CCDC57: variants seen among roughly 807,000 people sequenced by gnomAD.
CCDC57 encodes coiled-coil domain containing 57, also known as coiled-coil domain-containing protein 57.
In CCDC57, 118 loss-of-function variants were observed where a neutral mutation model predicts 118.9. The observed-to-expected ratio is 0.99, with a 90% confidence interval of 0.86 to 1.16. The LOEUF (loss-of-function observed/expected upper bound fraction) is 1.16. Ranked by LOEUF, CCDC57 falls within the 50% of genes most tolerant of loss-of-function variation. The pLI is 0.00. For synonymous variants in CCDC57, 527 were observed against 532.9 expected (o/e 0.99, Z 0.15); for missense variants, 1,300 against 1,320.7 (o/e 0.98, Z 0.24).
At chr17:82,121,472 G>A (rs187093377) in intron 19 of CCDC57, among the ~76,000 whole-genome samples, 1 of 152,350 alleles carries the variant, frequency 6.6e-6, no homozygotes, top group African/African-American at 2.4e-5. Context: ...TCATAGGGAG[G>A]CAACATGACC....
At chr17:82,102,720 C>T (rs2034537494) in intron 19 of CCDC57, among the ~76,000 whole-genome samples, 1 of 151,980 alleles carries the variant, frequency 6.6e-6, no homozygotes, top group South Asian at 2.1e-4. Flanking sequence ...GCCGTCTCTA[C>T]TAAAAATACA....
At chr17:82,148,040 G>A (rs2041079491) in intron 16 of CCDC57, among the ~76,000 whole-genome samples, 1 of 131,282 alleles carries the variant, frequency 7.6e-6, no homozygotes, top group Non-Finnish European at 1.6e-5. Flanking sequence ...GATGGTAGAT[G>A]GATGGGTGGG....
intron 16 of CCDC57, among the ~76,000 whole-genome samples, chr17:82,143,821 G>A (rs79970191): frequency 1.7e-3 from 257 of 151,884 alleles, no homozygotes; most frequent in Non-Finnish European, 3.0e-3. Context: ...TCCCCAGGCC[G>A]GGCGCAGTGG....
chr17:82,176,606 A>AT (rs1295115802), intron 11 of CCDC57, among the ~76,000 whole-genome samples: 1 of 152,088 alleles, frequency 6.6e-6, no homozygotes, highest in Non-Finnish European at 1.5e-5. Flanking sequence ...TGCAGCCTCC[A>AT]TACACCAGCG....
Position 82,183,264 on chromosome 17 carries a change from T to G in CCDC57, c.1211+510A>C, listed in dbSNP as rs545813459. ...TGTGTATGGGAAATAGAATGCTATC[T>G]TTGTTCAAGGAAGTGTTCGCCCCAA... is the stretch of plus-strand genomic sequence containing the variant. On this transcript the variant is annotated intron_variant, in intron 9 of 19. Transcript: ENST00000665763. 5.9e-5 allele frequency among the ~76,000 whole-genome samples: 9 copies of G among 152,312 alleles called. No individual in the cohort carries two copies. The South Asian group carries it at 1.9e-3, about 32-fold the overall frequency.
chr17:82,178,257 G>A (rs749986976), intron 11 of CCDC57, among the ~76,000 whole-genome samples: 1 of 152,104 alleles, frequency 6.6e-6, no homozygotes, highest in Non-Finnish European at 1.5e-5. Context: ...TGTGGATTTG[G>A]GACTTTTAAA....
At chr17:82,184,463 C>T (rs556878476) in intron 8 of CCDC57, among the ~76,000 whole-genome samples, 1 of 152,326 alleles carries the variant, frequency 6.6e-6, no homozygotes, top group Admixed American at 6.5e-5. Context: ...GGAGAATTAC[C>T]CAAAATGGAA....
chr17:82,119,433 C>G (rs900719605), intron 19 of CCDC57, among the ~76,000 whole-genome samples: 2 of 151,130 alleles, frequency 1.3e-5, no homozygotes, highest in Non-Finnish European at 3.0e-5. Flanking sequence ...CCTGTGGGTG[C>G]CCCCCCACCC....
At chr17:82,178,957 G>A in intron 10 of CCDC57, 70 bp downstream of exon 9, 2 of 1,517,254 alleles carry the variant, frequency 1.3e-6, no homozygotes, top group Non-Finnish European at 8.9e-7. Context: ...GTAAGAACCA[G>A]ACCCGTCCTG....
At chr17:82,134,093 G>T in exon 17 of CCDC57, 1 of 1,415,958 alleles carries the variant, frequency 7.1e-7, no homozygotes, top group South Asian at 1.6e-5. Context: ...AAATGGGGCT[G>T]CACCTGTCCC....
At chr17:82,138,649 A>ATGGCCTGCCCTGGGTCGGAAGAGACGCG (rs2039596213) in intron 16 of CCDC57, among the ~76,000 whole-genome samples, 6 of 134,958 alleles carry the variant, frequency 4.4e-5, no homozygotes, top group Admixed American at 7.1e-5. Context: ...GAAGAGACGC[A>ATGGCCTGCCCTGGGTCGGAAGAGACGCG]TGGCCTGCCC....
intron 11 of CCDC57, among the ~76,000 whole-genome samples, chr17:82,176,413 C>T (rs1184414107): frequency 6.6e-6 from 1 of 152,218 alleles, no homozygotes; most frequent in African/African-American, 2.4e-5. Flanking sequence ...AGAACCTGTT[C>T]TCCCTTACCT....
intron 19 of CCDC57, among the ~76,000 whole-genome samples, chr17:82,107,801 C>T (rs982284681): frequency 2.6e-5 from 4 of 152,196 alleles, no homozygotes; most frequent in East Asian, 1.9e-4. Context: ...AGGGAACAGC[C>T]GCCGGCCCTC....
chr17:82,102,909 C>A (rs943166354), intron 19 of CCDC57, among the ~76,000 whole-genome samples: 4 of 151,800 alleles, frequency 2.6e-5, no homozygotes, highest in South Asian at 4.2e-4. Context: ...ACAAAAAAAA[C>A]CCCACAGTAA....
chr17:82,203,601 T>C (rs953350015), intron 2 of CCDC57, among the ~76,000 whole-genome samples: 2 of 152,190 alleles, frequency 1.3e-5, no homozygotes, highest in African/African-American at 2.4e-5. Flanking sequence ...TCATTCAAAC[T>C]CAGGAGTTCC....
intron 8 of CCDC57, among the ~76,000 whole-genome samples, chr17:82,187,954 G>A (rs1388588604): frequency 6.6e-6 from 1 of 151,756 alleles, no homozygotes; most frequent in East Asian, 1.9e-4. Flanking sequence ...ACTAAGAAAT[G>A]GCTAAAATGG....
At chr17:82,107,898 G>C (rs1032381739) in intron 19 of CCDC57, among the ~76,000 whole-genome samples, 1 of 152,178 alleles carries the variant, frequency 6.6e-6, no homozygotes, top group African/African-American at 2.4e-5. Context: ...AAAGAAAGGG[G>C]GTGGGCTCCA....
At chr17:82,169,478 GC>G (rs557982792) in intron 13 of CCDC57, among the ~76,000 whole-genome samples, 2 of 152,280 alleles carry the variant, frequency 1.3e-5, no homozygotes, top group South Asian at 4.1e-4. Flanking sequence ...GTCCTGTCTG[GC>G]CCCTCCCTTT....
intron 2 of CCDC57, chr17:82,207,689 T>C (rs1356180527): frequency 6.6e-6 from 1 of 152,248 alleles, no homozygotes; most frequent in Non-Finnish European, 1.5e-5. Flanking sequence ...TGAGTCATAA[T>C]AGAACTCCGT....
Sources: gnomAD v4.1 joint callset for allele counts (sites outside exome capture counted in the v4.1 genomes callset) on GRCh38, gnomAD v4.1.1 for gene constraint, MANE v1.5 for transcripts, NCBI Gene and HGNC (gene_info 2026-07-23, HGNC 2026-07-21) for gene names.